ERMP1: variants seen among roughly 807,000 people sequenced by gnomAD.
The protein encoded by ERMP1 is Felix-ina.
Under a neutral mutation model 92.0 loss-of-function variants are expected in ERMP1, and 86 were observed. The observed-to-expected ratio is 0.93, with a 90% CI of 0.79 to 1.12. ERMP1 has a LOEUF of 1.12. Among genes scored for constraint, ERMP1 ranks in the 50% most tolerant of loss-of-function variants. ERMP1 has a pLI of 0.00. For missense variants in ERMP1, 1,342 were observed against 1,116.3 expected, an observed-to-expected ratio of 1.20 and a Z score of -2.88; for synonymous variants, 530 against 412.8, an observed-to-expected ratio of 1.28 and a Z score of -3.44.
At chr9:5,825,830 A>C (rs1563769636) in intron 2 of ERMP1, among the ~76,000 whole-genome samples, 1 of 152,218 alleles carries the variant, frequency 6.6e-6, no homozygotes, top group Non-Finnish European at 1.5e-5. Flanking sequence ...CCCAGAACAC[A>C]CACTCAGTTG....
intron 5 of ERMP1, among the ~76,000 whole-genome samples, chr9:5,864,081 G>A (rs1315721881): frequency 6.6e-6 from 1 of 152,150 alleles, no homozygotes; most frequent in East Asian, 1.9e-4. Flanking sequence ...TGGCCAAACT[G>A]CCCTCCAGAA....
intron 10 of ERMP1, among the ~76,000 whole-genome samples, chr9:5,801,768 T>C (rs1439047432): frequency 6.6e-6 from 1 of 152,194 alleles, no homozygotes; most frequent in Non-Finnish European, 1.5e-5. Flanking sequence ...ACTAAATTCA[T>C]CTCAACTGGC....
At position 5,805,798 on chromosome 9, in the gene ERMP1, A is replaced by C; in HGVS notation, c.1549-13T>G. 1 of 1,584,482 alleles carries C rather than the reference A, an allele frequency of 6.3e-7. No homozygotes were observed. Among genetic ancestry groups the C allele is most frequent in the Non-Finnish European group, 8.6e-7 (1 of 1,168,022 alleles). On this transcript the variant is annotated splice_polypyrimidine_tract_variant and intron_variant, in intron 8 of 14. Coordinates refer to ENST00000339450, the MANE Select transcript of ERMP1 (RefSeq NM_024896.3). ...GGGCACTGGCATTCTGAAAGAAAGA[A>C]AAATATACAAGTAGTCTCATTCAGG...
Position 5,810,101 on chromosome 9 carries a change from G to C in ERMP1, c.1458C>G (p.Asn486Lys), listed in dbSNP as rs772855387. 6.8e-6 allele frequency: 11 copies of C among 1,613,830 alleles called. No individual in the cohort carries two copies. Among genetic ancestry groups the C allele is most frequent in the African/African-American group, 1.3e-5 (1 of 75,046 alleles). Reference protein sequence around the residue: ...SLIGQSLSWYNHFYVSVCLYG... With the variant: ...SLIGQSLSWYKHFYVSVCLYG... ...ACAGACAAACGGAGACATAGAAGTGGTTATACCATGAGAGAGACTGTCCAA... is the reference window on the plus strand; with the variant it reads ...ACAGACAAACGGAGACATAGAAGTGCTTATACCATGAGAGAGACTGTCCAA... The change falls in exon 8 of 15, where the codon AAC becomes AAG. Residue 486 changes from asparagine to lysine, a missense_variant. Transcript: ENST00000339450.
Position 5,785,287 on chromosome 9 carries a change from A to G in ERMP1, c.*1857T>C, listed in dbSNP as rs866363918. 1.3e-5 allele frequency: 2 copies of G among 152,220 alleles called. No homozygotes were observed. The highest frequency in any genetic ancestry group is 2.4e-5 in the African/African-American group (1 of 41,452). 9.4% of individuals were successfully genotyped at this position (152,220 alleles called of 1,614,324 possible). A position where few individuals can be genotyped will look rare whatever the true frequency, so the allele number is the denominator to read the frequency against. ...GGGGGGGAATTCACAGGGAACACTA[A>G]TTATATCAGATGAACCACGGGGATA... On this transcript the variant is annotated 3_prime_UTR_variant, in exon 15 of 15. Coordinates refer to ENST00000339450, the MANE Select transcript of ERMP1 (RefSeq NM_024896.3).
At chr9:5,820,241 G>C (rs1172481854) in intron 4 of ERMP1, among the ~76,000 whole-genome samples, 1 of 152,208 alleles carries the variant, frequency 6.6e-6, no homozygotes, top group African/African-American at 2.4e-5. Flanking sequence ...AGAGGGTGCA[G>C]TGAGCTGAGA....
rs541334102 is a variant in ERMP1, at chr9:5,821,383, C to T, written c.874+2513G>A. Among the ~76,000 whole-genome samples, 5 of 152,316 alleles carry T rather than the reference C, an allele frequency of 3.3e-5. No homozygotes were observed. In the South Asian group the frequency reaches 1.0e-3, roughly 32 times the overall value. On this transcript the variant is annotated intron_variant, in intron 4 of 14. Transcript: ENST00000339450. ...ACCATCCAGCTAGGAGCATTATTAACAGTTTGTTTACACCCTTTCAGATAA... is the reference window on the plus strand; with the variant it reads ...ACCATCCAGCTAGGAGCATTATTAATAGTTTGTTTACACCCTTTCAGATAA...
In ERMP1 at chr9:5,798,891, T is replaced by A; in HGVS notation, c.2185A>T (p.Ile729Phe). Reference protein sequence around the residue: ...ISHITPHIPEINDSIRAHCEE... With the variant: ...ISHITPHIPEFNDSIRAHCEE... The stretch of plus-strand genomic sequence containing the variant: ...CAGTGAGCTCGGATACTATCATTGA[T>A]CTCAGGAATGTGAGGGGTTATGTGA... The change falls in exon 12 of 15, where the codon ATC becomes TTC. Residue 729 changes from isoleucine (I) to phenylalanine (F), a missense_variant. Ile to Phe is a conservative substitution (Grantham distance 21). Coordinates refer to ENST00000339450, the MANE Select transcript of ERMP1 (RefSeq NM_024896.3). The A allele has an allele frequency of 6.2e-7, 1 of 1,613,406 alleles. No individual in the cohort carries two copies.
At chr9:5,841,124 A>C (rs1408742558) in intron 6 of ERMP1, among the ~76,000 whole-genome samples, 1 of 152,192 alleles carries the variant, frequency 6.6e-6, no homozygotes, top group Non-Finnish European at 1.5e-5. Flanking sequence ...AAGGCGGTGT[A>C]AAAAAACCTG....
intron 8 of ERMP1, among the ~76,000 whole-genome samples, chr9:5,808,870 T>G (rs1828972213): frequency 1.3e-5 from 2 of 152,272 alleles, no homozygotes; most frequent in South Asian, 4.1e-4. Flanking sequence ...CCCAGGTAGC[T>G]GGGACTACAG....
chr9:5,839,765 C>A (rs1325426728), intron 6 of ERMP1, among the ~76,000 whole-genome samples: 2 of 152,186 alleles, frequency 1.3e-5, no homozygotes, highest in Non-Finnish European at 2.9e-5. Context: ...ATAGCCTCTG[C>A]AGCTGCTGCT....
At chr9:5,800,791 T>G (rs780675123) in intron 11 of ERMP1, among the ~76,000 whole-genome samples, 20 of 152,260 alleles carry the variant, frequency 1.3e-4, no homozygotes, top group Non-Finnish European at 2.1e-4. Flanking sequence ...TTACTAGCAC[T>G]TCTAAACATC....
intron 4 of ERMP1, among the ~76,000 whole-genome samples, chr9:5,819,013 A>G (rs997216547): frequency 2.0e-5 from 3 of 152,240 alleles, no homozygotes; most frequent in African/African-American, 7.2e-5. Context: ...TTAATTTGGC[A>G]GTTTCTTAAA....
chr9:5,811,026 G>T, intron 7 of ERMP1, 85 bp downstream of exon 7: 2 of 833,264 alleles, frequency 2.4e-6, no homozygotes, highest in Non-Finnish European at 3.8e-6. Context: ...TAGCTTTCTG[G>T]GAAGATATAA....
chr9:5,832,782 G>C lies in ERMP1; in HGVS notation c.246C>G (p.Ile82Met), dbSNP rs559155223. ...AGAGCTGCACCAGCGTCCGCAGCGCGATCAGGTAGAGCGCGAGCCCCAGCG... is the reference window on the plus strand; with the variant it reads ...AGAGCTGCACCAGCGTCCGCAGCGCCATCAGGTAGAGCGCGAGCCCCAGCG... The part of the protein sequence containing the change: ...RAALGLALYL[I>M]ALRTLVQLSL... Residue 82 changes from isoleucine (I) to methionine (M), a missense_variant, in exon 1 of 15, where the codon ATC (isoleucine) becomes ATG (methionine). Transcript: ENST00000339450. 747 of 1,500,476 alleles carry C rather than the reference G, an allele frequency of 5.0e-4. 14 individuals carry two copies. In the Admixed American group the frequency reaches 0.013, roughly 26 times the overall value. 92.9% of individuals were successfully genotyped at this position (1,500,476 alleles called of 1,614,324 possible). A position where few individuals can be genotyped will look rare whatever the true frequency, so the allele number is the denominator to read the frequency against.
upstream of ERMP1, among the ~76,000 whole-genome samples, chr9:5,835,353 C>CGCGCGT (rs1563776908): frequency 6.9e-6 from 1 of 143,888 alleles, no homozygotes; most frequent in Admixed American, 7.0e-5. Flanking sequence ...ACAATGAACG[C>CGCGCGT]GCGCGCGCAT....
intron 4 of ERMP1, 23 bp downstream of exon 4, chr9:5,823,873 A>G (rs770331423): frequency 6.7e-7 from 1 of 1,487,558 alleles, no homozygotes; most frequent in South Asian, 1.2e-5. Flanking sequence ...GCATTAAAAT[A>G]TACAACGCAC....
At chr9:5,791,801 T>A (rs1828209250) in intron 13 of ERMP1, among the ~76,000 whole-genome samples, 1 of 152,210 alleles carries the variant, frequency 6.6e-6, no homozygotes, top group Admixed American at 6.5e-5. Context: ...CAAGTGCCAG[T>A]GATTATACTG....
At chr9:5,788,083 TG>T (rs1017700335) in intron 13 of ERMP1, among the ~76,000 whole-genome samples, 6 of 152,216 alleles carry the variant, frequency 3.9e-5, no homozygotes, top group African/African-American at 1.4e-4. Flanking sequence ...TAGTCATCAC[TG>T]GGAACTTCCA....
Sources: allele counts gnomAD v4.1 joint callset (sites outside exome capture counted in the v4.1 genomes callset), GRCh38; gene constraint gnomAD v4.1.1; transcripts MANE v1.5; gene names NCBI Gene and HGNC (gene_info 2026-07-23, HGNC 2026-07-21).